FEM1C: variants seen among roughly 807,000 people sequenced by gnomAD.
FEM1C encodes the protein protein fem-1 homolog C.
A neutral mutation model predicts 37.6 loss-of-function variants in FEM1C; 15 were observed. The ratio of observed to expected loss-of-function variants is 0.40; its 90% confidence interval spans 0.27 to 0.61. The LOEUF (loss-of-function observed/expected upper bound fraction) is 0.61. Among genes scored for constraint, FEM1C ranks in the 20% least tolerant of loss-of-function variants. FEM1C has a pLI of 0.42. For synonymous variants in FEM1C, 287 were observed against 272.8 expected, an observed-to-expected ratio of 1.05 and a Z score of -0.51; for missense variants, 532 against 749.7, an observed-to-expected ratio of 0.71 and a Z score of 3.39.
intron 2 of FEM1C, among the ~76,000 whole-genome samples, chr5:115,538,808 T>C (rs1228431685): frequency 1.3e-5 from 2 of 152,014 alleles, no homozygotes; most frequent in African/African-American, 4.8e-5. Context: ...TGCCTTTCCT[T>C]ATGCCATTTC....
At chr5:115,542,205 C>A (rs1754256661) in intron 2 of FEM1C, among the ~76,000 whole-genome samples, 1 of 152,112 alleles carries the variant, frequency 6.6e-6, no homozygotes, top group African/African-American at 2.4e-5. Context: ...TTACAATCAA[C>A]AAAAATTATA....
chr5:115,523,667 CA>C lies in FEM1C; in HGVS notation c.*640del, dbSNP rs1396303403. ...AAATTGTCATGCTACAGAGTACTTT[CA>C]AAAAATTAAGTTTGTAACAAACATA... On this transcript the variant is annotated 3_prime_UTR_variant, in exon 3 of 3. Coordinates refer to ENST00000274457, the MANE Select transcript of FEM1C (RefSeq NM_020177.3). 1 of 152,482 alleles carries C rather than the reference CA, an allele frequency of 6.6e-6. No homozygotes were observed. Among genetic ancestry groups the C allele is most frequent in the Non-Finnish European group, 1.5e-5 (1 of 67,986 alleles). 9.4% of individuals were successfully genotyped at this position (152,482 alleles called of 1,614,324 possible).
chr5:115,543,776 A>G (rs1393320610), intron 1 of FEM1C, 93 bp from the exon 2 acceptor site: 2 of 1,213,688 alleles, frequency 1.6e-6, no homozygotes, highest in East Asian at 4.2e-5. Context: ...AGAAAGGAAT[A>G]AAAGCTATAC....
chr5:115,533,538 T>G (rs1028539122), intron 2 of FEM1C, among the ~76,000 whole-genome samples: 2 of 152,020 alleles, frequency 1.3e-5, no homozygotes, highest in Non-Finnish European at 2.9e-5. Context: ...TCTTTTTTGC[T>G]AGTTAACATA....
intron 2 of FEM1C, among the ~76,000 whole-genome samples, chr5:115,532,397 G>T (rs963470876): frequency 6.6e-6 from 1 of 152,042 alleles, no homozygotes; most frequent in African/African-American, 2.4e-5. Flanking sequence ...AGTTCAAAAA[G>T]TAATATCCTA....
intron 2 of FEM1C, among the ~76,000 whole-genome samples, chr5:115,540,960 A>G (rs1282555885): frequency 6.6e-6 from 1 of 152,112 alleles, no homozygotes; most frequent in African/African-American, 2.4e-5. Flanking sequence ...TTGTCTTAAA[A>G]CAAGCATTCT....
At position 115,521,887 on chromosome 5, in the gene FEM1C, T is replaced by C. The variant is rs1350168727; in HGVS notation, c.*2421A>G. 6.6e-6 allele frequency: 1 copy of C among 151,864 alleles called. No homozygotes were observed. The highest frequency in any genetic ancestry group is 2.4e-5 in the African/African-American group (1 of 41,400). 9.4% of individuals were successfully genotyped at this position (151,864 alleles called of 1,614,324 possible). On this transcript the variant is annotated 3_prime_UTR_variant, in exon 3 of 3. Coordinates refer to ENST00000274457, the MANE Select transcript of FEM1C (RefSeq NM_020177.3). ...CAGGGACAATTTTGAGCTATTAAATTAACTGGTTTTTCAAAACCTCCCAAT... is the reference window on the plus strand; with the variant it reads ...CAGGGACAATTTTGAGCTATTAAATCAACTGGTTTTTCAAAACCTCCCAAT...
At position 115,543,649 on chromosome 5, in the gene FEM1C, A is replaced by T; in HGVS notation, c.-156T>A. Reference sequence around the variant, plus strand: ...AACCACGAAGAGTATGTTCCGTCCTACTGCTTTCCAACATCTGACAACCAG... The same window carrying T: ...AACCACGAAGAGTATGTTCCGTCCTTCTGCTTTCCAACATCTGACAACCAG... On this transcript the variant is annotated 5_prime_UTR_variant, in exon 2 of 3. Transcript: ENST00000274457. 2.2e-6 allele frequency: 3 copies of T among 1,388,286 alleles called. No individual in the cohort carries two copies. The highest frequency in any genetic ancestry group is 5.3e-5 in the East Asian group (2 of 37,710). The allele number at this position is 1,388,286 out of a possible 1,614,324, so 86.0% of individuals were successfully genotyped here. A position where few individuals can be genotyped will look rare whatever the true frequency, so the allele number is the denominator to read the frequency against.
chr5:115,529,841 T>C (rs1753979263), intron 2 of FEM1C, among the ~76,000 whole-genome samples: 2 of 151,682 alleles, frequency 1.3e-5, no homozygotes, highest in Non-Finnish European at 2.9e-5. Flanking sequence ...ACTAAAATAA[T>C]AGAGGGTATG....
chr5:115,528,636 G>T (rs778645899), intron 2 of FEM1C, among the ~76,000 whole-genome samples: 1 of 152,020 alleles, frequency 6.6e-6, no homozygotes, highest in Non-Finnish European at 1.5e-5. Flanking sequence ...CTATTTAGAG[G>T]AAGATATTAT....
chr5:115,533,424 A>AT (rs1422761201), intron 2 of FEM1C, among the ~76,000 whole-genome samples: 1 of 152,030 alleles, frequency 6.6e-6, no homozygotes. Context: ...ATTAAATGTA[A>AT]TTTTTTGTGA....
At chr5:115,533,882 T>C (rs1214548299) in intron 2 of FEM1C, among the ~76,000 whole-genome samples, 2 of 151,784 alleles carry the variant, frequency 1.3e-5, no homozygotes, top group Non-Finnish European at 2.9e-5. Flanking sequence ...TAAACAATTC[T>C]CAATGCCTGA....
chr5:115,537,456 A>C lies in FEM1C; in HGVS notation c.544+5494T>G, dbSNP rs17137960. ...TCAATTCTGTGAGGATTCACAGTTC[A>C]AAATCCAATCTCCAGGGACAAAGGA... On this transcript the variant is annotated intron_variant, in intron 2 of 2. Transcript: ENST00000274457. 4.5e-3 allele frequency among the ~76,000 whole-genome samples: 680 copies of C among 152,114 alleles called. 9 individuals are homozygous for C. The highest frequency in any genetic ancestry group is 0.015 in the African/African-American group (634 of 41,540).
intron 2 of FEM1C, among the ~76,000 whole-genome samples, chr5:115,529,040 C>G (rs1401588321): frequency 1.3e-5 from 2 of 151,794 alleles, no homozygotes; most frequent in African/African-American, 2.4e-5. Context: ...AAGATGGAGA[C>G]TATAAGAGAA....
Position 115,525,300 on chromosome 5 carries a change from C to A in FEM1C, c.862G>T (p.Val288Leu). 6.2e-7 allele frequency: 1 copy of A among 1,613,736 alleles called. No homozygotes were observed. Among genetic ancestry groups the A allele is most frequent in the African/African-American group, 1.3e-5 (1 of 74,998 alleles). Residue 288 changes from valine to leucine, a missense_variant, in exon 3 of 3, where the codon GTG becomes TTG. Coordinates refer to ENST00000274457, the MANE Select transcript of FEM1C (RefSeq NM_020177.3). Reference protein sequence around the residue: ...SDRTNIISKPVPQTLIMAYDY... With the variant: ...SDRTNIISKPLPQTLIMAYDY... Reference sequence around the variant, plus strand: ...TAAGCCATTATTAGTGTCTGTGGCACTGGTTTACTAATAATATTAGTCCTA... The same window carrying A: ...TAAGCCATTATTAGTGTCTGTGGCAATGGTTTACTAATAATATTAGTCCTA...
At chr5:115,532,509 G>C (rs760889899) in intron 2 of FEM1C, among the ~76,000 whole-genome samples, 26 of 150,978 alleles carry the variant, frequency 1.7e-4, no homozygotes, top group African/African-American at 6.1e-4. Flanking sequence ...ATAGCCTAGA[G>C]CATTATTACT....
At position 115,524,152 on chromosome 5, in the gene FEM1C, C is replaced by G. The variant is rs1157288489; in HGVS notation, c.*156G>C. The G allele has an allele frequency of 1.7e-6, 1 of 593,418 alleles. No individual in the cohort carries two copies. The highest frequency in any genetic ancestry group is 1.9e-5 in the African/African-American group (1 of 53,232). The allele number at this position is 593,418 out of a possible 1,614,324, so 36.8% of individuals were successfully genotyped here. ...ATATTTATATTAAATATTGGGAAAC[C>G]AATGTTGTAAATTTGATGCTTATAA... On this transcript the variant is annotated 3_prime_UTR_variant, in exon 3 of 3. Transcript: ENST00000274457.
In FEM1C at chr5:115,522,792, AT is replaced by A. The variant is rs376339394; in HGVS notation, c.*1515del. The A allele has an allele frequency of 1.3e-5, 2 of 152,592 alleles. No individual in the cohort carries two copies. The highest frequency in any genetic ancestry group is 4.8e-5 in the African/African-American group (2 of 41,574). The allele number at this position is 152,592 out of a possible 1,614,324, so 9.5% of individuals were successfully genotyped here. A position where few individuals can be genotyped will look rare whatever the true frequency, so the allele number is the denominator to read the frequency against. On this transcript the variant is annotated 3_prime_UTR_variant, in exon 3 of 3. Coordinates refer to ENST00000274457, the MANE Select transcript of FEM1C (RefSeq NM_020177.3). ...TTATTGAGAACAACTTCATTAAGAC[AT>A]TTGCAGGGCAAATATGCCATCATAA...
rs141933892 is a variant in FEM1C at position 115,524,950 on chromosome 5, A to G, written c.1212T>C (p.Thr404=). ...LQDRAKGLLG[T]TVTFDDLMGI... is the part of the protein sequence containing the mutation. ...CCATAAGATCATCAAATGTAACAGT[A>G]GTACCCAGCAGGCCTTTAGCCCTAT... is the stretch of plus-strand genomic sequence containing the variant. Residue 404 remains threonine (T), a synonymous_variant, in exon 3 of 3, where the codon ACT becomes ACC. Transcript: ENST00000274457. The G allele has an allele frequency of 6.2e-7, 1 of 1,613,818 alleles. No homozygotes were observed. Among genetic ancestry groups the G allele is most frequent in the Non-Finnish European group, 8.5e-7 (1 of 1,179,860 alleles).
Sources: allele counts gnomAD v4.1 joint callset (sites outside exome capture counted in the v4.1 genomes callset), GRCh38; gene constraint gnomAD v4.1.1; transcripts MANE v1.5; gene names NCBI Gene and HGNC (gene_info 2026-07-23, HGNC 2026-07-21).